PKM: variants seen among roughly 807,000 people sequenced by gnomAD.
PKM encodes the protein pyruvate kinase M1/2.
In PKM, 18 loss-of-function variants were observed where a neutral mutation model predicts 49.8. That is an observed-to-expected ratio of 0.36 (90% CI 0.25 to 0.54). The LOEUF is 0.54. PKM is among the 20% of genes least tolerant of loss of function. The pLI, the probability that PKM is intolerant of heterozygous loss-of-function variation, is 0.89. For missense variants in PKM, 508 were observed against 713.8 expected, an observed-to-expected ratio of 0.71 and a Z score of 3.28; for synonymous variants, 239 against 261.8, an observed-to-expected ratio of 0.91 and a Z score of 0.84.
Position 72,200,424 on chromosome 15 carries a change from C to A in PKM, c.1489+50G>T. 1 of 1,581,596 alleles carries A rather than the reference C, an allele frequency of 6.3e-7. No homozygotes were observed. Among genetic ancestry groups the A allele is most frequent in the South Asian group, 1.1e-5 (1 of 90,094 alleles). On this transcript the variant is annotated intron_variant, in intron 10 of 10. Transcript: ENST00000335181. The surrounding 1 kb of genome is among the most constrained non-coding windows in gnomAD (Gnocchi z 4.6). ...TCGGGGTCCCACAGAAGCCAATGCT[C>A]AAGCATCCCCAAGCTCCTCTAGGCT...
At chr15:72,222,074 G>A (rs751734558) in intron 1 of PKM, among the ~76,000 whole-genome samples, 3 of 152,120 alleles carry the variant, frequency 2.0e-5, no homozygotes, top group Non-Finnish European at 1.5e-5. Flanking sequence ...CCAAGTCCAC[G>A]AGATGCCATT....
At chr15:72,219,164 C>T (rs1159619151) in intron 1 of PKM, 54 bp from the exon 2 acceptor site, 6 of 1,504,752 alleles carry the variant, frequency 4.0e-6, no homozygotes, top group Non-Finnish European at 4.6e-6. Context: ...GGTTAATATA[C>T]CATTTAGCAC....
In PKM at chr15:72,210,353, G is replaced by C; in HGVS notation, c.372C>G (p.Ile124Met). Residue 124 changes from isoleucine (I) to methionine (M), a missense_variant, in exon 4 of 11, where the codon ATC becomes ATG. By Grantham distance (10) the Ile-to-Met change is conservative (BLOSUM62 1). Coordinates refer to ENST00000335181, the MANE Select transcript of PKM (RefSeq NM_002654.6). ...CTCTCCGCAGAATACTCACGCCCTT[G>C]ATGAGCCCAGTTCGGATCTCAGGTC... ...TKGPEIRTGL[I>M]KGSGTAEVEL... The C allele has an allele frequency of 6.2e-7, 1 of 1,614,066 alleles. No individual in the cohort carries two copies. The highest frequency in any genetic ancestry group is 1.3e-5 in the African/African-American group (1 of 75,024).
intron 1 of PKM, among the ~76,000 whole-genome samples, chr15:72,228,024 TA>T (rs2082731487): frequency 1.3e-5 from 2 of 152,210 alleles, no homozygotes; most frequent in African/African-American, 4.8e-5. Context: ...CCAAATTTGC[TA>T]AGTCACTGGG....
chr15:72,200,788 G>A lies in PKM; in HGVS notation c.1308-133C>T. 2 of 742,298 alleles carry A rather than the reference G, an allele frequency of 2.7e-6. No individual in the cohort carries two copies. Among genetic ancestry groups the A allele is most frequent in the Non-Finnish European group, 4.4e-6 (2 of 458,320 alleles). The allele number at this position is 742,298 out of a possible 1,614,324, so 46.0% of individuals were successfully genotyped here. A position where few individuals can be genotyped will look rare whatever the true frequency, so the allele number is the denominator to read the frequency against. On this transcript the variant is annotated intron_variant, in intron 9 of 10. Coordinates refer to ENST00000335181, the MANE Select transcript of PKM (RefSeq NM_002654.6). This position sits in a 1 kb window ranked among gnomAD's most constrained non-coding sequence, Gnocchi z 4.6. ...TGGCCTCTTCAACATCTGCTCCCTA[G>A]GACCCCTCCCGAGGCTCGGGCAGCC...
At chr15:72,219,432 C>G (rs888000237) in intron 1 of PKM, 1 of 225,474 alleles carries the variant, frequency 4.4e-6, no homozygotes, top group East Asian at 8.7e-5. Context: ...TCTCACCACC[C>G]TATCTATAAA....
chr15:72,209,631 A>G (rs200178087), intron 5 of PKM, 42 bp downstream of exon 5: 58 of 1,574,646 alleles, frequency 3.7e-5, no homozygotes, highest in Non-Finnish European at 4.8e-5. Context: ...TTTAGAGACA[A>G]AAGACTGTTT....
intron 6 of PKM, among the ~76,000 whole-genome samples, chr15:72,207,925 C>G (rs2082128188): frequency 6.6e-6 from 1 of 152,258 alleles, no homozygotes; most frequent in South Asian, 2.1e-4. Flanking sequence ...CACTTCTAAT[C>G]CACAAGAGTG....
At chr15:72,223,919 A>T (rs949437020) in intron 1 of PKM, among the ~76,000 whole-genome samples, 3 of 16,896 alleles carry the variant, frequency 1.8e-4, no homozygotes, top group Non-Finnish European at 1.1e-3. Flanking sequence ...CCCTGGCTTT[A>T]AAAAAAAAAA....
rs1415751822 is a variant in PKM at position 72,208,673 on chromosome 15, C to G, written c.784G>C (p.Gly262Arg). Reference protein sequence around the residue: ...HEVRKVLGEKGKNIKIISKIE... With the variant: ...HEVRKVLGEKRKNIKIISKIE... Reference sequence around the variant, plus strand: ...TTGCTGATAATCTTGATGTTCTTTCCCTTCTCTCCCAGGACCTTCCTAACT... The same window carrying G: ...TTGCTGATAATCTTGATGTTCTTTCGCTTCTCTCCCAGGACCTTCCTAACT... The change falls in exon 6 of 11, where the codon GGA (glycine) becomes CGA (arginine). Residue 262 changes from glycine to arginine, a missense_variant. Transcript: ENST00000335181. 2 of 1,613,970 alleles carry G rather than the reference C, an allele frequency of 1.2e-6. No individual in the cohort carries two copies. The highest frequency in any genetic ancestry group is 1.7e-6 in the Non-Finnish European group (2 of 1,180,024).
chr15:72,199,644 G>A lies in PKM; in HGVS notation c.*6C>T. 6.2e-7 allele frequency: 1 copy of A among 1,604,790 alleles called. No homozygotes were observed. Among genetic ancestry groups the A allele is most frequent in the Non-Finnish European group, 8.5e-7 (1 of 1,171,904 alleles). On this transcript the variant is annotated 3_prime_UTR_variant, in exon 11 of 11. Transcript: ENST00000335181. ...ACAGGGGCTGGAGGAGGGGCTCTGG[G>A]GTCCATCACGGCACAGGAACAACAC...
chr15:72,199,435 G>A lies in PKM; in HGVS notation c.*215C>T. 1 of 694,326 alleles carries A rather than the reference G, an allele frequency of 1.4e-6. No homozygotes were observed. The highest frequency in any genetic ancestry group is 2.6e-6 in the Non-Finnish European group (1 of 379,476). 43.0% of individuals were successfully genotyped at this position (694,326 alleles called of 1,614,324 possible). A position where few individuals can be genotyped will look rare whatever the true frequency, so the allele number is the denominator to read the frequency against. ...TCCTCCTTCTTCCCTTGATTGGGTG[G>A]GGCCACATGATGGGCAGCCAGGCTC... On this transcript the variant is annotated 3_prime_UTR_variant, in exon 11 of 11. Coordinates refer to ENST00000335181, the MANE Select transcript of PKM (RefSeq NM_002654.6).
chr15:72,230,828 G>A, intron 1 of PKM: 2 of 771,740 alleles, frequency 2.6e-6, no homozygotes, highest in Non-Finnish European at 3.8e-6. Flanking sequence ...ATTGAGGATT[G>A]GGGCAGGAGG....
chr15:72,206,968 G>C (rs1336157521), intron 7 of PKM, 88 bp from the exon 8 acceptor site: 1 of 1,514,772 alleles, frequency 6.6e-7, no homozygotes, highest in East Asian at 2.3e-5. Context: ...ATAGTGAGTA[G>C]GTACACAGAG....
intron 1 of PKM, among the ~76,000 whole-genome samples, chr15:72,230,248 C>A (rs1257405502): frequency 1.3e-5 from 2 of 152,192 alleles, no homozygotes; most frequent in East Asian, 3.8e-4. Context: ...CGCCCTGCCT[C>A]CCGGCAGCGG....
chr15:72,206,671 C>T, intron 8 of PKM, 57 bp downstream of exon 8: 1 of 1,559,846 alleles, frequency 6.4e-7, no homozygotes, highest in Non-Finnish European at 8.8e-7. Context: ...CCAGAGCTTG[C>T]ATCCATCCCA....
In PKM at chr15:72,202,250, C is replaced by T; in HGVS notation, c.1307+204G>A. ...TTTGCTTTTGATCCAAATGTTCTGA[C>T]ATTCCTTATGAGTGCTACCTAGAGT... On this transcript the variant is annotated intron_variant, in intron 9 of 10. Transcript: ENST00000335181. The surrounding 1 kb of genome is among the most constrained non-coding windows in gnomAD (Gnocchi z 4.5). 1 of 602,374 alleles carries T rather than the reference C, an allele frequency of 1.7e-6. No homozygotes were observed. Among genetic ancestry groups the T allele is most frequent in the South Asian group, 1.9e-5 (1 of 51,522 alleles). The allele number at this position is 602,374 out of a possible 1,614,324, so 37.3% of individuals were successfully genotyped here. A position where few individuals can be genotyped will look rare whatever the true frequency, so the allele number is the denominator to read the frequency against.
chr15:72,214,359 T>C (rs1301534583), intron 3 of PKM, among the ~76,000 whole-genome samples: 1 of 152,220 alleles, frequency 6.6e-6, no homozygotes, highest in Non-Finnish European at 1.5e-5. Context: ...TTCAAATCTA[T>C]GTCATATATC....
intron 8 of PKM, 196 bp downstream of exon 8, chr15:72,206,532 G>C (rs1322083072): frequency 2.0e-5 from 12 of 593,232 alleles, no homozygotes; most frequent in Admixed American, 5.9e-5. Flanking sequence ...GTGGGGGTGT[G>C]GGCAGGAATG....
Sources: gnomAD v4.1 joint callset for allele counts (sites outside exome capture counted in the v4.1 genomes callset) on GRCh38, gnomAD v4.1.1 for gene constraint, Gnocchi (gnomAD v3.1) non-coding constraint, MANE v1.5 for transcripts, NCBI Gene and HGNC (gene_info 2026-07-23, HGNC 2026-07-21) for gene names.